The following PHIP variants were observed in gnomAD, a reference collection of about 807,000 sequenced individuals.
PHIP encodes PH-interacting protein.
PHIP carries 54 observed loss-of-function variants against 236.8 expected under a neutral mutation model. The observed-to-expected ratio is 0.23, with a 90% CI of 0.18 to 0.29. The LOEUF is 0.29. Among genes scored for constraint, PHIP ranks in the 10% least tolerant of loss-of-function variants. PHIP has a pLI of 1.00. For missense variants in PHIP, 1,370 were observed against 2,190.8 expected (o/e 0.63, Z 7.48); for synonymous variants, 756 against 718.9 (o/e 1.05, Z -0.83).
chr6:78,997,364 A>C (rs746523822), intron 19 of PHIP, 50 bp downstream of exon 19: 1 of 1,541,618 alleles, frequency 6.5e-7, no homozygotes, highest in Admixed American at 1.7e-5. Flanking sequence ...TGTTAACTCC[A>C]AAATGAACCC....
At chr6:79,066,929 C>G (rs1773650454) in intron 4 of PHIP, among the ~76,000 whole-genome samples, 1 of 152,124 alleles carries the variant, frequency 6.6e-6, no homozygotes, top group Admixed American at 6.5e-5. Context: ...GGATCTCGTT[C>G]TGTTACCAAG....
intron 5 of PHIP, 30 bp downstream of exon 5, chr6:79,060,638 T>C (rs149210558): frequency 9.3e-6 from 15 of 1,607,898 alleles, no homozygotes; most frequent in Non-Finnish European, 1.3e-5. Flanking sequence ...AGATAAATAA[T>C]GTCTAAATCC....
intron 24 of PHIP, among the ~76,000 whole-genome samples, chr6:78,972,919 T>C (rs1767706595): frequency 1.3e-5 from 2 of 152,108 alleles, no homozygotes; most frequent in Admixed American, 6.5e-5. Context: ...TACCTGAAAG[T>C]GATGGGGAGA....
Position 78,970,815 on chromosome 6 carries a change from G to T in PHIP, c.2963C>A (p.Pro988His). ...CATTTTATGCCATGGTTGTTTTTTGGGATTGATACTATATATTTTATTTTT... is the reference window on the plus strand; with the variant it reads ...CATTTTATGCCATGGTTGTTTTTTGTGATTGATACTATATATTTTATTTTT... ...ARKNKIYSIN[P>H]KKQPWHKMEL... Residue 988 changes from proline to histidine, a missense_variant, in exon 25 of 40, where the codon CCC becomes CAC. Physicochemically the swap from Pro to His is moderately conservative, Grantham distance 77 (BLOSUM62 -2). This residue lies in a region of PHIP where 238 missense variants were observed against 398.5 expected (regional missense o/e 0.60). Transcript: ENST00000275034. The T allele has an allele frequency of 6.2e-7, 1 of 1,609,152 alleles. No individual in the cohort carries two copies. The highest frequency in any genetic ancestry group is 8.5e-7 in the Non-Finnish European group (1 of 1,177,800).
chr6:78,940,626 C>A lies in PHIP; in HGVS notation c.*67G>T, dbSNP rs1773454323. On this transcript the variant is annotated 3_prime_UTR_variant, in exon 40 of 40. Coordinates refer to ENST00000275034, the MANE Select transcript of PHIP (RefSeq NM_017934.7). ...ACCACAGCAGCAAGGAAGCAGAAGC[C>A]TTAGTTCTACTTATTCCTTAACTGT... 2 of 723,676 alleles carry A rather than the reference C, an allele frequency of 2.8e-6. No homozygotes were observed. Among genetic ancestry groups the A allele is most frequent in the Non-Finnish European group, 4.0e-6 (2 of 504,410 alleles). The allele number at this position is 723,676 out of a possible 1,614,324, so 44.8% of individuals were successfully genotyped here. A position where few individuals can be genotyped will look rare whatever the true frequency, so the allele number is the denominator to read the frequency against.
chr6:78,979,935 T>C (rs527971865), intron 23 of PHIP, among the ~76,000 whole-genome samples: 3 of 152,002 alleles, frequency 2.0e-5, no homozygotes, highest in Non-Finnish European at 4.4e-5. Context: ...CTCTTTTTCC[T>C]ATTAGCCACA....
chr6:79,017,542 GAAT>G lies in PHIP; in HGVS notation c.1033_1035del (p.Ile345del). ...TGACCTGATCCAAAAAAATAAACCC[GAAT>G]AATATGATCTGTGCTTCCCGTCGCC... On this transcript the variant is annotated inframe_deletion, in exon 11 of 40. Transcript: ENST00000275034. The G allele has an allele frequency of 6.2e-7, 1 of 1,611,916 alleles. No individual in the cohort carries two copies. Among genetic ancestry groups the G allele is most frequent in the Non-Finnish European group, 8.5e-7 (1 of 1,178,556 alleles).
chr6:78,971,936 C>G (rs1387964279), intron 24 of PHIP, among the ~76,000 whole-genome samples: 1 of 152,182 alleles, frequency 6.6e-6, no homozygotes. Context: ...TGCAAGGCGG[C>G]AGCGAGGCTG....
Position 78,954,843 on chromosome 6 carries a change from G to A in PHIP, c.4024C>T (p.Arg1342Cys), listed in dbSNP as rs1047858187. The A allele has an allele frequency of 8.9e-6, 14 of 1,579,774 alleles. No individual in the cohort carries two copies. Among genetic ancestry groups the A allele is most frequent in the African/African-American group, 1.4e-5 (1 of 72,460 alleles). ...TATTCAAGGAGATCTACCGGCTGACGGAAAGGCTCTGAATCTTCACATTGA... is the reference window on the plus strand; with the variant it reads ...TATTCAAGGAGATCTACCGGCTGACAGAAAGGCTCTGAATCTTCACATTGA... The part of the protein sequence containing the change: ...IFQCEDSEPF[R>C]QPVDLLEYPD... The change falls in exon 35 of 40, where the codon CGT becomes TGT. Residue 1342 changes from arginine to cysteine, a missense_variant. Transcript: ENST00000275034.
At position 78,946,051 on chromosome 6, in the gene PHIP, G is replaced by C; in HGVS notation, c.4580C>G (p.Ala1527Gly). Residue 1527 changes from alanine to glycine, a missense_variant, in exon 38 of 40, where the codon GCA (alanine) becomes GGA (glycine). Ala to Gly is a moderately conservative substitution (Grantham distance 60). Coordinates refer to ENST00000275034, the MANE Select transcript of PHIP (RefSeq NM_017934.7). ...ATTAGCTTTTGTAATAAAAGTCTTT[G>C]CAGCTGAAGAAGTAGATGGTTGCTC... Reference protein sequence around the residue: ...VTEQPSTSSAAKTFITKANAS... With the variant: ...VTEQPSTSSAGKTFITKANAS... The C allele has an allele frequency of 6.2e-7, 1 of 1,612,362 alleles. No homozygotes were observed.
chr6:78,971,720 C>T (rs1292937369), intron 24 of PHIP, among the ~76,000 whole-genome samples: 1 of 152,174 alleles, frequency 6.6e-6, no homozygotes, highest in Non-Finnish European at 1.5e-5. Context: ...ACTCAGGAAG[C>T]ACAGGGAGTC....
intron 19 of PHIP, among the ~76,000 whole-genome samples, chr6:78,993,415 G>A (rs937093810): frequency 3.9e-5 from 6 of 152,052 alleles, no homozygotes; most frequent in African/African-American, 1.4e-4. Flanking sequence ...GATATCATCT[G>A]GACTTTCACA....
chr6:79,016,447 A>T, intron 13 of PHIP, 97 bp downstream of exon 13: 1 of 571,794 alleles, frequency 1.7e-6, no homozygotes, highest in Non-Finnish European at 3.0e-6. Flanking sequence ...TAATTTTAAC[A>T]TGATATATAA....
intron 35 of PHIP, among the ~76,000 whole-genome samples, chr6:78,951,911 T>G (rs1282727270): frequency 6.6e-6 from 1 of 152,220 alleles, no homozygotes; most frequent in Non-Finnish European, 1.5e-5. Context: ...TAGTTTTGTC[T>G]ATAAATCTTA....
chr6:78,987,805 C>T (rs956077217), intron 21 of PHIP, among the ~76,000 whole-genome samples: 2 of 152,030 alleles, frequency 1.3e-5, no homozygotes, highest in African/African-American at 2.4e-5. Flanking sequence ...TAAAAACTAA[C>T]AAAAATTGTC....
intron 4 of PHIP, among the ~76,000 whole-genome samples, chr6:79,067,359 T>C (rs1773673974): frequency 6.6e-6 from 1 of 152,204 alleles, no homozygotes; most frequent in African/African-American, 2.4e-5. Context: ...CCGTTCTCAG[T>C]TGAGTTGCTT....
At chr6:79,006,145 T>C (rs1770280291) in intron 15 of PHIP, among the ~76,000 whole-genome samples, 1 of 152,008 alleles carries the variant, frequency 6.6e-6, no homozygotes, top group Non-Finnish European at 1.5e-5. Context: ...GATTAACCAT[T>C]TGTTTACTAA....
intron 24 of PHIP, among the ~76,000 whole-genome samples, 186 bp downstream of exon 24, chr6:78,978,406 A>C (rs1768267038): frequency 6.6e-6 from 1 of 152,132 alleles, no homozygotes. Flanking sequence ...TCAGATTTAC[A>C]GCAGCTTCAA....
At chr6:79,067,075 C>T (rs985702375) in intron 4 of PHIP, among the ~76,000 whole-genome samples, 5 of 152,110 alleles carry the variant, frequency 3.3e-5, no homozygotes, top group African/African-American at 1.2e-4. Context: ...TTTTTAGATA[C>T]AGCATCTCTC....
Sources: gnomAD v4.1 joint callset for allele counts (sites outside exome capture counted in the v4.1 genomes callset) on GRCh38, gnomAD v4.1.1 for gene constraint, gnomAD v4.1.1 regional missense constraint, MANE v1.5 for transcripts, NCBI Gene and HGNC (gene_info 2026-07-23, HGNC 2026-07-21) for gene names.